Variants in SORCS3 observed in about 807,000 individuals in gnomAD.
The protein encoded by SORCS3 is VPS10 domain-containing receptor SorCS3.
A neutral mutation model predicts 146.3 loss-of-function variants in SORCS3; 57 were observed. The observed-to-expected ratio is 0.39, with a 90% CI of 0.31 to 0.49. The LOEUF (loss-of-function observed/expected upper bound fraction) is 0.49. Among genes scored for constraint, SORCS3 ranks in the 20% least tolerant of loss-of-function variants. SORCS3 has a pLI of 0.92. For synonymous variants in SORCS3, 653 were observed against 618.5 expected, an observed-to-expected ratio of 1.06 and a Z score of -0.83; for missense variants, 1,341 against 1,575.5, an observed-to-expected ratio of 0.85 and a Z score of 2.52.
chr10:105,204,738 A>G (rs142021082), intron 16 of SORCS3, among the ~76,000 whole-genome samples: 1 of 150,992 alleles, frequency 6.6e-6, no homozygotes, highest in East Asian at 1.9e-4. Flanking sequence ...GTTTTTTTTT[A>G]CTACTACTGA....
rs868718609 is a variant in SORCS3, at chr10:105,217,004, C to G, written c.2616C>G (p.Phe872Leu). 1 of 1,614,172 alleles carries G rather than the reference C, an allele frequency of 6.2e-7. No individual in the cohort carries two copies. Among genetic ancestry groups the G allele is most frequent in the Admixed American group, 1.7e-5 (1 of 60,014 alleles). Residue 872 changes from phenylalanine to leucine, a missense_variant, in exon 19 of 27, where the codon TTC becomes TTG. Phe to Leu is a conservative substitution (Grantham distance 22). Coordinates refer to ENST00000369701, the MANE Select transcript of SORCS3 (RefSeq NM_014978.3). ...GGATTGCTGTGTCCTACGCAAACTT[C>G]AGCCCCATCGAGGACGGCATCAAGC... ...GDGIAVSYANFSPIEDGIKHV... is the reference protein window; with the variant it reads ...GDGIAVSYANLSPIEDGIKHV...
chr10:104,932,951 G>A (rs1525397), intron 3 of SORCS3, among the ~76,000 whole-genome samples: 15,007 of 152,060 alleles, frequency 0.099, 822 homozygotes, highest in South Asian at 0.25. Context: ...GGCTGGTCTT[G>A]AACTCCTGGC....
chr10:104,825,468 T>C (rs2017924759), intron 1 of SORCS3, among the ~76,000 whole-genome samples: 1 of 152,248 alleles, frequency 6.6e-6, no homozygotes, highest in African/African-American at 2.4e-5. Flanking sequence ...TTTTCATTTG[T>C]GTTAATGATC....
chr10:105,088,319 G>A (rs979225528), intron 5 of SORCS3, among the ~76,000 whole-genome samples: 2 of 152,146 alleles, frequency 1.3e-5, no homozygotes, highest in Non-Finnish European at 2.9e-5. Flanking sequence ...AAAGAAAAAG[G>A]AAACGATAGA....
intron 1 of SORCS3, among the ~76,000 whole-genome samples, chr10:104,646,353 G>C (rs2015495519): frequency 6.6e-6 from 1 of 152,222 alleles, no homozygotes; most frequent in African/African-American, 2.4e-5. Context: ...CCCGGGAGTG[G>C]CTTCTCCAGT....
chr10:104,671,995 T>C (rs967885225), intron 1 of SORCS3, among the ~76,000 whole-genome samples: 1 of 152,072 alleles, frequency 6.6e-6, no homozygotes, highest in Non-Finnish European at 1.5e-5. Context: ...CTTCATAGAA[T>C]GAGTTAAAGA....
chr10:104,722,719 G>T (rs2016565752), intron 1 of SORCS3, among the ~76,000 whole-genome samples: 1 of 152,210 alleles, frequency 6.6e-6, no homozygotes, highest in Admixed American at 6.5e-5. Flanking sequence ...GGGTGTATGT[G>T]TCGAGGAATG....
At chr10:105,206,024 G>A (rs2056599946) in intron 16 of SORCS3, among the ~76,000 whole-genome samples, 1 of 152,148 alleles carries the variant, frequency 6.6e-6, no homozygotes, top group Admixed American at 6.5e-5. Context: ...AGATTTGGGG[G>A]TGTCACAGCA....
At chr10:104,705,298 A>G (rs1280852352) in intron 1 of SORCS3, among the ~76,000 whole-genome samples, 1 of 145,290 alleles carries the variant, frequency 6.9e-6, no homozygotes, top group African/African-American at 2.6e-5. Context: ...ACTCACATCC[A>G]TAATACATCA....
chr10:105,075,440 A>G (rs1372267966), intron 5 of SORCS3, among the ~76,000 whole-genome samples: 2 of 152,090 alleles, frequency 1.3e-5, no homozygotes, highest in Non-Finnish European at 2.9e-5. Flanking sequence ...CAGCTCCTTC[A>G]TCTGCCCATG....
chr10:105,125,204 T>C (rs1293035973), intron 7 of SORCS3, among the ~76,000 whole-genome samples: 3 of 152,160 alleles, frequency 2.0e-5, no homozygotes, highest in African/African-American at 7.2e-5. Flanking sequence ...TTTTTAAAGA[T>C]TTGTCCTAAA....
At chr10:104,869,814 T>C (rs887852832) in intron 2 of SORCS3, among the ~76,000 whole-genome samples, 4 of 152,210 alleles carry the variant, frequency 2.6e-5, no homozygotes, top group African/African-American at 9.7e-5. Context: ...CAACCATTCT[T>C]TCAAACATCT....
intron 2 of SORCS3, among the ~76,000 whole-genome samples, chr10:104,884,327 G>C (rs2018660460): frequency 6.6e-6 from 1 of 152,156 alleles, no homozygotes; most frequent in South Asian, 2.1e-4. Flanking sequence ...CTCATTGCTG[G>C]CTTACCCTGG....
At chr10:104,968,082 C>A (rs184423891) in intron 3 of SORCS3, among the ~76,000 whole-genome samples, 30 of 152,218 alleles carry the variant, frequency 2.0e-4, no homozygotes, top group Middle Eastern at 3.4e-3. Flanking sequence ...GAGGTAGGTA[C>A]AATTACTATC....
chr10:105,086,708 C>G (rs565487181), intron 5 of SORCS3, among the ~76,000 whole-genome samples: 1 of 152,138 alleles, frequency 6.6e-6, no homozygotes, highest in Admixed American at 6.5e-5. Flanking sequence ...TGCCAGTGAC[C>G]TTAGGGAGAG....
intron 4 of SORCS3, among the ~76,000 whole-genome samples, chr10:104,979,348 C>T (rs1036093455): frequency 2.6e-5 from 4 of 152,172 alleles, no homozygotes; most frequent in Non-Finnish European, 5.9e-5. Flanking sequence ...TATTTCCTGA[C>T]ATCTCCAGAA....
chr10:104,779,842 C>T (rs569352597), intron 1 of SORCS3, among the ~76,000 whole-genome samples: 8 of 152,300 alleles, frequency 5.3e-5, no homozygotes, highest in South Asian at 4.1e-4. Flanking sequence ...CTCTGCCCTG[C>T]CTCACCCCGC....
chr10:104,982,839 A>G (rs2054939243), intron 4 of SORCS3, among the ~76,000 whole-genome samples: 1 of 152,160 alleles, frequency 6.6e-6, no homozygotes, highest in Non-Finnish European at 1.5e-5. Context: ...TCTGAATGAC[A>G]GAACTGGTTT....
At chr10:104,984,360 C>T (rs4917435) in intron 4 of SORCS3, among the ~76,000 whole-genome samples, 46,829 of 151,930 alleles carry the variant, frequency 0.31, 7,404 homozygotes, top group Middle Eastern at 0.33. Flanking sequence ...ACTTTCTGTA[C>T]GATAATTATA....
Sources: allele counts gnomAD v4.1 joint callset (sites outside exome capture counted in the v4.1 genomes callset), GRCh38; gene constraint gnomAD v4.1.1; transcripts MANE v1.5; gene names NCBI Gene and HGNC (gene_info 2026-07-23, HGNC 2026-07-21).